Variants in FGF14 observed in about 807,000 individuals in gnomAD.
FGF14 encodes the protein fibroblast growth factor 14.
Under a neutral mutation model 25.5 loss-of-function variants are expected in FGF14, and 5 were observed. The observed-to-expected ratio is 0.20, with a 90% CI of 0.10 to 0.41. The LOEUF (loss-of-function observed/expected upper bound fraction) is 0.41, where lower values mean the gene tolerates loss of function less well. Among genes scored for constraint, FGF14 ranks in the 10% least tolerant of loss-of-function variants. FGF14 has a pLI of 1.00. For missense variants in FGF14, 222 were observed against 320.1 expected, an observed-to-expected ratio of 0.69 and a Z score of 2.34; for synonymous variants, 138 against 118.3, an observed-to-expected ratio of 1.17 and a Z score of -1.08.
chr13:101,766,804 A>G (rs961750276), intron 3 of FGF14, among the ~76,000 whole-genome samples: 1 of 152,144 alleles, frequency 6.6e-6, no homozygotes, highest in Non-Finnish European at 1.5e-5. Flanking sequence ...CACAGGGGAC[A>G]CCATGTGAAG....
intron 1 of FGF14, among the ~76,000 whole-genome samples, chr13:102,321,558 A>G (rs2056244874): frequency 1.3e-5 from 2 of 152,134 alleles, no homozygotes; most frequent in South Asian, 2.1e-4. Flanking sequence ...TGGCTTTTCC[A>G]TACTCTATTG....
At chr13:101,936,261 C>T (rs1430584283) in intron 1 of FGF14, among the ~76,000 whole-genome samples, 3 of 152,184 alleles carry the variant, frequency 2.0e-5, no homozygotes, top group Non-Finnish European at 2.9e-5. Context: ...TGGGCACTTA[C>T]GTGGTCAAGA....
intron 1 of FGF14, among the ~76,000 whole-genome samples, chr13:101,884,673 C>T (rs752660862): frequency 1.8e-4 from 28 of 151,948 alleles, no homozygotes; most frequent in Admixed American, 5.3e-4. Flanking sequence ...CATTCCCTGT[C>T]GCTGAAAGTG....
chr13:102,080,325 T>C (rs1292992819), intron 1 of FGF14, among the ~76,000 whole-genome samples: 1 of 152,170 alleles, frequency 6.6e-6, no homozygotes, highest in Non-Finnish European at 1.5e-5. Context: ...ATGAAATGTC[T>C]ACAGATTTTG....
At chr13:102,109,037 C>T (rs1175267349) in intron 1 of FGF14, among the ~76,000 whole-genome samples, 1 of 152,156 alleles carries the variant, frequency 6.6e-6, no homozygotes, top group African/African-American at 2.4e-5. Context: ...TATGCATGTA[C>T]ACATAAACAT....
chr13:101,939,555 G>GT (rs1661529135), intron 1 of FGF14, among the ~76,000 whole-genome samples: 1 of 152,216 alleles, frequency 6.6e-6, no homozygotes, highest in South Asian at 2.1e-4. Context: ...GCCCCAGGGT[G>GT]TTGGGTTAAT....
chr13:102,000,139 C>A (rs951156750), intron 1 of FGF14, among the ~76,000 whole-genome samples: 1 of 152,026 alleles, frequency 6.6e-6, no homozygotes, highest in African/African-American at 2.4e-5. Context: ...CACGGTAAAA[C>A]CCCGTCTCTA....
chr13:101,856,532 G>A (rs893566768), intron 3 of FGF14, among the ~76,000 whole-genome samples: 63 of 151,820 alleles, frequency 4.1e-4, no homozygotes, highest in African/African-American at 1.5e-3. Flanking sequence ...ATAATAATGT[G>A]GTCGAGGCTA....
chr13:102,381,286 G>A (rs2058177798), intron 1 of FGF14, among the ~76,000 whole-genome samples: 1 of 152,150 alleles, frequency 6.6e-6, no homozygotes, highest in Admixed American at 6.6e-5. Flanking sequence ...TGGTCTAAAT[G>A]TCTGCGTTCC....
chr13:101,936,749 C>T (rs866082848), intron 1 of FGF14, among the ~76,000 whole-genome samples: 7 of 152,112 alleles, frequency 4.6e-5, no homozygotes, highest in African/African-American at 1.7e-4. Context: ...ATACTGAGCC[C>T]ATGGCGTATA....
In FGF14 at chr13:101,916,575, G is replaced by A. The variant is rs757752994; in HGVS notation, c.71C>T (p.Pro24Leu). 12 of 1,609,642 alleles carry A rather than the reference G, an allele frequency of 7.5e-6. No individual in the cohort carries two copies. Among genetic ancestry groups the A allele is most frequent in the East Asian group, 2.2e-5 (1 of 44,474 alleles). ...GCTGCTCCGCCTCCTGCTGGCAGACGGCCGGTCCCAGTGCTGCTCCCGCGC... is the reference window on the plus strand; with the variant it reads ...GCTGCTCCGCCTCCTGCTGGCAGACAGCCGGTCCCAGTGCTGCTCCCGCGC... ...RQAREQHWDRPSASRRRSSPS... is the reference protein window; with the variant it reads ...RQAREQHWDRLSASRRRSSPS... Residue 24 changes from proline (P) to leucine (L), a missense_variant, in exon 1 of 5, where the codon CCG becomes CTG. Physicochemically the swap from Pro to Leu is moderately conservative, Grantham distance 98. This residue lies in a region of FGF14 where 80 missense variants were observed against 72.2 expected (regional missense o/e 1.11). Transcript: ENST00000376143.
intron 1 of FGF14, among the ~76,000 whole-genome samples, chr13:102,399,081 T>C (rs2058644062): frequency 6.6e-6 from 1 of 152,010 alleles, no homozygotes; most frequent in Non-Finnish European, 1.5e-5. Flanking sequence ...TAAAAATAAA[T>C]TGTCATTTGT....
At chr13:102,198,555 T>C (rs965353148) in intron 1 of FGF14, among the ~76,000 whole-genome samples, 3 of 152,128 alleles carry the variant, frequency 2.0e-5, no homozygotes, top group Non-Finnish European at 4.4e-5. Flanking sequence ...AGGCAATTTA[T>C]GGGAAAATTG....
intron 1 of FGF14, among the ~76,000 whole-genome samples, chr13:101,991,269 T>C (rs1293059126): frequency 1.3e-5 from 2 of 152,166 alleles, no homozygotes; most frequent in African/African-American, 4.8e-5. Flanking sequence ...TATTCTTGAA[T>C]TTATTTTTCA....
chr13:101,921,404 A>G (rs887223728), upstream of FGF14, among the ~76,000 whole-genome samples: 14 of 152,044 alleles, frequency 9.2e-5, no homozygotes, highest in Non-Finnish European at 4.4e-5. Flanking sequence ...TCCTTCTTAA[A>G]CCTGTTCTTC....
intron 1 of FGF14, among the ~76,000 whole-genome samples, chr13:102,322,190 T>C (rs952573719): frequency 6.6e-6 from 1 of 152,232 alleles, no homozygotes; most frequent in Admixed American, 6.5e-5. Context: ...CATGCTAAGA[T>C]GTACAGGGTA....
intron 3 of FGF14, among the ~76,000 whole-genome samples, chr13:101,841,783 T>A (rs2043208298): frequency 6.6e-6 from 1 of 151,878 alleles, no homozygotes; most frequent in Admixed American, 6.6e-5. Flanking sequence ...TGCCTCAGAT[T>A]TTCTGCTGGC....
rs561432974 is a variant in FGF14, at chr13:102,134,862, T to A, written c.209-259566A>T. Among the ~76,000 whole-genome samples, 16 of 152,300 alleles carry A rather than the reference T, an allele frequency of 1.1e-4. No individual in the cohort carries two copies. In the South Asian group the frequency reaches 3.3e-3, roughly 32 times the overall value. ...TTCTAGATTCTTAAACCAAACTTTT[T>A]CAATGTAGCCTCGGGCCAAATTTCT... On this transcript the variant is annotated intron_variant, in intron 1 of 4. Coordinates refer to the FGF14 transcript ENST00000376131.
intron 1 of FGF14, among the ~76,000 whole-genome samples, chr13:101,884,829 C>T (rs1260276352): frequency 6.6e-6 from 1 of 150,756 alleles, no homozygotes; most frequent in East Asian, 1.9e-4. Context: ...CCCTGTCTCC[C>T]TGCCTAATCT....
Sources: gnomAD v4.1 joint callset for allele counts (sites outside exome capture counted in the v4.1 genomes callset) on GRCh38, gnomAD v4.1.1 for gene constraint, gnomAD v4.1.1 regional missense constraint, MANE v1.5 for transcripts, NCBI Gene and HGNC (gene_info 2026-07-23, HGNC 2026-07-21) for gene names.